Variants in CNTNAP2 observed in about 807,000 individuals in gnomAD.
CNTNAP2 encodes contactin associated protein 2.
Under a neutral mutation model 155.2 loss-of-function variants are expected in CNTNAP2, and 98 were observed. That is an observed-to-expected ratio of 0.63 (90% confidence interval 0.54 to 0.75). The LOEUF (loss-of-function observed/expected upper bound fraction) is 0.75. CNTNAP2 is among the 30% of genes least tolerant of loss of function. The pLI is 0.00. For missense variants in CNTNAP2, 1,727 were observed against 1,688.1 expected (o/e 1.02, Z -0.40); for synonymous variants, 651 against 631.2 (o/e 1.03, Z -0.47).
At chr7:148,272,618 A>G (rs1796802507) in intron 21 of CNTNAP2, among the ~76,000 whole-genome samples, 1 of 152,142 alleles carries the variant, frequency 6.6e-6, no homozygotes, top group Non-Finnish European at 1.5e-5. Flanking sequence ...TGTAATAGAA[A>G]TAAACTTAAT....
At chr7:146,987,335 C>A (rs1262925970) in intron 3 of CNTNAP2, among the ~76,000 whole-genome samples, 1 of 152,062 alleles carries the variant, frequency 6.6e-6, no homozygotes, top group Non-Finnish European at 1.5e-5. Flanking sequence ...TTAAGAAATT[C>A]ATTAATTAGT....
chr7:147,913,556 C>T (rs1330688230), intron 14 of CNTNAP2, among the ~76,000 whole-genome samples: 1 of 152,056 alleles, frequency 6.6e-6, no homozygotes, highest in African/African-American at 2.4e-5. Flanking sequence ...GAAACATGGA[C>T]AATGGATATT....
rs574263227 is a variant in CNTNAP2, at chr7:148,416,123, A to G, written c.*507A>G. ...TATATACTATTTCCTTTGATGTCCT[A>G]TAAGTCGGAAAAGAAAGGGGCAAAG... On this transcript the variant is annotated 3_prime_UTR_variant, in exon 24 of 24. Coordinates refer to ENST00000361727, the MANE Select transcript of CNTNAP2 (RefSeq NM_014141.6). The G allele has an allele frequency of 6.3e-5, 10 of 159,732 alleles. No homozygotes were observed. In the East Asian group the frequency reaches 9.1e-4, roughly 15 times the overall value. 9.9% of individuals were successfully genotyped at this position (159,732 alleles called of 1,614,324 possible).
chr7:148,097,219 G>A (rs1355361220), intron 15 of CNTNAP2, among the ~76,000 whole-genome samples: 1 of 151,510 alleles, frequency 6.6e-6, no homozygotes, highest in African/African-American at 2.4e-5. Flanking sequence ...GAACCAGCCC[G>A]GCCAATTTAG....
At chr7:147,790,446 G>T (rs997020639) in intron 13 of CNTNAP2, among the ~76,000 whole-genome samples, 3 of 152,112 alleles carry the variant, frequency 2.0e-5, no homozygotes, top group African/African-American at 7.2e-5. Flanking sequence ...CCTATAATTT[G>T]ATTTTTAACC....
chr7:146,618,649 TGTTA>T (rs1042408369), intron 1 of CNTNAP2, among the ~76,000 whole-genome samples: 1 of 152,210 alleles, frequency 6.6e-6, no homozygotes, highest in Non-Finnish European at 1.5e-5. Context: ...AAGAGCAGAA[TGTTA>T]GTTCATTTAA....
rs113049939 is a variant in CNTNAP2 at position 148,272,310 on chromosome 7, C to T, written c.3475+5184C>T. Among the ~76,000 whole-genome samples, 284 of 152,286 alleles carry T rather than the reference C, an allele frequency of 1.9e-3. 1 individual carries two copies. Among genetic ancestry groups the T allele is most frequent in the African/African-American group, 6.6e-3 (275 of 41,542 alleles). On this transcript the variant is annotated intron_variant, in intron 21 of 23. Coordinates refer to ENST00000361727, the MANE Select transcript of CNTNAP2 (RefSeq NM_014141.6). ...CCATCTTTCATCCCTCATATCCATCCATCTTTTACCAGCCGAGTGATGTCA... is the reference window on the plus strand; with the variant it reads ...CCATCTTTCATCCCTCATATCCATCTATCTTTTACCAGCCGAGTGATGTCA...
intron 1 of CNTNAP2, among the ~76,000 whole-genome samples, chr7:146,611,956 A>G (rs1203726394): frequency 6.6e-6 from 1 of 152,160 alleles, no homozygotes; most frequent in African/African-American, 2.4e-5. Flanking sequence ...TTCTCTGATG[A>G]TATATACATA....
chr7:148,112,760 G>C (rs542223346), intron 15 of CNTNAP2, among the ~76,000 whole-genome samples: 1 of 152,014 alleles, frequency 6.6e-6, no homozygotes, highest in Non-Finnish European at 1.5e-5. Context: ...AAAGGGGCTG[G>C]GGAAGCAGGC....
intron 1 of CNTNAP2, among the ~76,000 whole-genome samples, chr7:146,643,490 G>A (rs1273292265): frequency 1.3e-5 from 2 of 152,024 alleles, no homozygotes; most frequent in African/African-American, 4.8e-5. Context: ...CGTTATTTCT[G>A]AGGGCTGTGT....
chr7:147,634,496 G>C (rs28492673), intron 12 of CNTNAP2, among the ~76,000 whole-genome samples: 3,077 of 152,170 alleles, frequency 0.02, 110 homozygotes, highest in African/African-American at 0.07. Flanking sequence ...ATTGGGTACA[G>C]TGTACACTGC....
At chr7:146,595,391 A>C (rs1229369910) in intron 1 of CNTNAP2, among the ~76,000 whole-genome samples, 1 of 152,080 alleles carries the variant, frequency 6.6e-6, no homozygotes, top group Non-Finnish European at 1.5e-5. Flanking sequence ...AATATATAAT[A>C]GTATGAATAC....
At chr7:148,150,218 C>T (rs924192318) in intron 17 of CNTNAP2, among the ~76,000 whole-genome samples, 2 of 151,692 alleles carry the variant, frequency 1.3e-5, no homozygotes, top group African/African-American at 4.8e-5. Context: ...CAAGACCATC[C>T]TGGCCAACAT....
chr7:148,319,406 G>GT, intron 21 of CNTNAP2, among the ~76,000 whole-genome samples: 1 of 152,132 alleles, frequency 6.6e-6, no homozygotes, highest in South Asian at 2.1e-4. Flanking sequence ...AAAACTCTTT[G>GT]TTTTTTCACT....
intron 13 of CNTNAP2, among the ~76,000 whole-genome samples, chr7:147,766,526 A>C (rs1419650692): frequency 1.3e-5 from 2 of 152,052 alleles, no homozygotes; most frequent in Non-Finnish European, 2.9e-5. Context: ...TCCGTGAGGG[A>C]GAGGGAGAGA....
At chr7:147,333,651 A>T (rs1306303033) in intron 9 of CNTNAP2, among the ~76,000 whole-genome samples, 1 of 152,182 alleles carries the variant, frequency 6.6e-6, no homozygotes, top group Admixed American at 6.5e-5. Flanking sequence ...GGAAGTTTTC[A>T]TATTTTTAAT....
rs181498106 is a variant in CNTNAP2, at chr7:146,474,249, T to G, written c.98-300022T>G. ...TATTAACCTACTTTTCCAAATAAAC[T>G]ATTTGTTTCTGAATATTTATATATA... is the stretch of plus-strand genomic sequence containing the variant. On this transcript the variant is annotated intron_variant, in intron 1 of 23. Transcript: ENST00000361727. Among the ~76,000 whole-genome samples, 620 of 149,988 alleles carry G rather than the reference T, an allele frequency of 4.1e-3. 2 individuals are homozygous for G. Among genetic ancestry groups the G allele is most frequent in the Non-Finnish European group, 7.7e-3 (521 of 67,558 alleles).
At chr7:147,047,198 T>C (rs1315097117) in intron 4 of CNTNAP2, among the ~76,000 whole-genome samples, 1 of 136,040 alleles carries the variant, frequency 7.4e-6, no homozygotes, top group African/African-American at 2.7e-5. Context: ...ATGCTCTGCC[T>C]CCCGGGTTCA....
chr7:148,125,794 C>G (rs186219797), intron 16 of CNTNAP2, among the ~76,000 whole-genome samples: 4 of 151,478 alleles, frequency 2.6e-5, no homozygotes, highest in Non-Finnish European at 5.9e-5. Context: ...CTCTGCCTCC[C>G]GGGTTCAAGT....
Sources: gnomAD v4.1 joint callset for allele counts (sites outside exome capture counted in the v4.1 genomes callset) on GRCh38, gnomAD v4.1.1 for gene constraint, MANE v1.5 for transcripts, NCBI Gene and HGNC (gene_info 2026-07-23, HGNC 2026-07-21) for gene names.